The following CCS variants were observed in gnomAD, a reference collection of about 807,000 sequenced individuals.
CCS encodes the protein superoxide dismutase copper chaperone.
In CCS, 32 loss-of-function variants were observed where a neutral mutation model predicts 35.5. That is an observed-to-expected ratio of 0.90 (90% confidence interval 0.68 to 1.21). The LOEUF is 1.21. Among genes scored for constraint, CCS ranks in the 50% most tolerant of loss-of-function variants. CCS has a pLI of 0.00. For missense variants in CCS, 342 were observed against 375.4 expected (o/e 0.91, Z 0.73); for synonymous variants, 130 against 147.2 (o/e 0.88, Z 0.84).
chr11:66,595,437 T>A (rs897914369), intron 2 of CCS, among the ~76,000 whole-genome samples: 1 of 152,198 alleles, frequency 6.6e-6, no homozygotes, highest in African/African-American at 2.4e-5. Flanking sequence ...GCCCTCAGCA[T>A]GTTTCTTAGG....
intron 2 of CCS, among the ~76,000 whole-genome samples, chr11:66,594,743 C>T (rs1858444761): frequency 6.7e-6 from 1 of 150,368 alleles, no homozygotes. Flanking sequence ...CCACTGCACT[C>T]CAGGCTGGGT....
At chr11:66,599,012 GT>G (rs957417661) in intron 2 of CCS, 103 bp from the exon 3 acceptor site, 1 of 1,446,014 alleles carries the variant, frequency 6.9e-7, no homozygotes, top group Non-Finnish European at 9.6e-7. Flanking sequence ...ACCATGGGAA[GT>G]TTGGTGGAAA....
chr11:66,604,178 C>T (rs1018140931), intron 5 of CCS, among the ~76,000 whole-genome samples: 3 of 151,880 alleles, frequency 2.0e-5, no homozygotes, highest in Non-Finnish European at 2.9e-5. Context: ...TGCAGTGAGC[C>T]GAGATCACAC....
intron 5 of CCS, among the ~76,000 whole-genome samples, chr11:66,601,243 C>T (rs1040255601): frequency 6.6e-6 from 1 of 152,152 alleles, no homozygotes; most frequent in African/African-American, 2.4e-5. Context: ...CAGGTGCACA[C>T]CACCACACCC....
chr11:66,594,092 C>G (rs1858431570), intron 2 of CCS, among the ~76,000 whole-genome samples: 1 of 152,190 alleles, frequency 6.6e-6, no homozygotes, highest in Non-Finnish European at 1.5e-5. Flanking sequence ...GGTGTGGTGG[C>G]TCATGCCTGT....
At position 66,599,525 on chromosome 11, in the gene CCS, T is replaced by G; in HGVS notation, c.317T>G (p.Leu106Arg). ...ACCGTGCAGGGGGTGGTGCGCTTCC[T>G]ACAGCTGACCCCTGAGCGCTGCCTC... Reference protein sequence around the residue: ...PGTVQGVVRFLQLTPERCLIE... With the variant: ...PGTVQGVVRFRQLTPERCLIE... Residue 106 changes from leucine (L) to arginine (R), a missense_variant, in exon 4 of 8, where the codon CTA (leucine) becomes CGA (arginine). Physicochemically the swap from Leu to Arg is moderately radical, Grantham distance 102. Coordinates refer to ENST00000533244, the MANE Select transcript of CCS (RefSeq NM_005125.2). 6.3e-7 allele frequency: 1 copy of G among 1,592,976 alleles called. No homozygotes were observed. The highest frequency in any genetic ancestry group is 8.5e-7 in the Non-Finnish European group (1 of 1,171,532).
chr11:66,605,548 G>C lies in CCS; in HGVS notation c.627G>C (p.Arg209=), dbSNP rs1249423611. The change falls in exon 7 of 8, where the codon CGG becomes CGC. Residue 209 remains arginine (R), a synonymous_variant. Coordinates refer to ENST00000533244, the MANE Select transcript of CCS (RefSeq NM_005125.2). The part of the protein sequence containing the change: ...IIDEGEDDLG[R]GGHPLSKITG... ...ATGAGGGAGAAGATGACCTGGGCCG[G>C]GGAGGCCATCCCTTATCCAAGATCA... The C allele has an allele frequency of 1.9e-6, 3 of 1,614,042 alleles. No homozygotes were observed. The South Asian group carries it at 3.3e-5, about 18-fold the overall frequency.
chr11:66,602,891 G>A (rs992082516), intron 5 of CCS, among the ~76,000 whole-genome samples: 10 of 152,242 alleles, frequency 6.6e-5, no homozygotes, highest in African/African-American at 2.4e-4. Flanking sequence ...TTGGGTTTTA[G>A]CATCTGCTTT....
At position 66,593,651 on chromosome 11, in the gene CCS, G is replaced by A; in HGVS notation, c.49G>A (p.Ala17Thr). Residue 17 changes from alanine to threonine, a missense_variant, in exon 2 of 8, where the codon GCG becomes ACG. Coordinates refer to ENST00000533244, the MANE Select transcript of CCS (RefSeq NM_005125.2). ...CCTGCCGCCCTTGCAGTTGGAGTTCGCGGTGCAGATGACCTGTCAGAGCTG... is the reference window on the plus strand; with the variant it reads ...CCTGCCGCCCTTGCAGTTGGAGTTCACGGTGCAGATGACCTGTCAGAGCTG... ...NQGTLCTLEF[A>T]VQMTCQSCVD... 1.2e-6 allele frequency: 2 copies of A among 1,613,858 alleles called. No homozygotes were observed. Among genetic ancestry groups the A allele is most frequent in the Non-Finnish European group, 8.5e-7 (1 of 1,179,988 alleles).
At chr11:66,603,523 C>T (rs987402233) in intron 5 of CCS, among the ~76,000 whole-genome samples, 2 of 151,664 alleles carry the variant, frequency 1.3e-5, no homozygotes, top group African/African-American at 4.9e-5. Flanking sequence ...TCAGCTTGAC[C>T]AACATGGTGA....
At chr11:66,595,742 C>T (rs889279155) in intron 2 of CCS, among the ~76,000 whole-genome samples, 1 of 152,136 alleles carries the variant, frequency 6.6e-6, no homozygotes, top group Non-Finnish European at 1.5e-5. Context: ...CCAGGGTCTA[C>T]CAGTCTTAAC....
intron 5 of CCS, chr11:66,605,088 G>T (rs565276885): frequency 6.8e-7 from 1 of 1,463,398 alleles, no homozygotes; most frequent in African/African-American, 1.4e-5. Context: ...TCCTGCCCAG[G>T]ATTTCAGTTC....
intron 2 of CCS, among the ~76,000 whole-genome samples, chr11:66,594,844 TAGGGAGAAG>T (rs1227258022): frequency 2.6e-5 from 4 of 151,840 alleles, no homozygotes; most frequent in Non-Finnish European, 5.9e-5. Flanking sequence ...TGGGGCTTTT[TAGGGAGAAG>T]AGTTCACATG....
intron 2 of CCS, among the ~76,000 whole-genome samples, chr11:66,595,513 G>A (rs1385873650): frequency 6.6e-6 from 1 of 152,130 alleles, no homozygotes; most frequent in African/African-American, 2.4e-5. Flanking sequence ...ATGGGGCCAG[G>A]GAGGGAAGCT....
At chr11:66,595,497 T>G (rs753793500) in intron 2 of CCS, among the ~76,000 whole-genome samples, 4 of 152,132 alleles carry the variant, frequency 2.6e-5, no homozygotes, top group Non-Finnish European at 4.4e-5. Flanking sequence ...CCGGCTTGGC[T>G]TTCTCATGGG....
rs34289311 is a variant in CCS, at chr11:66,602,267, C to T, written c.489+1718C>T. 7.5e-3 allele frequency among the ~76,000 whole-genome samples: 1,143 copies of T among 152,294 alleles called. 10 individuals carry two copies. Among genetic ancestry groups the T allele is most frequent in the Middle Eastern group, 0.058 (17 of 294 alleles). On this transcript the variant is annotated intron_variant, in intron 5 of 7. Transcript: ENST00000533244. ...GGTGCCTGCAGCTCAGGGTCTCTCTCGGGGCTGCAGTCATCTCAGGGCCCC... is the reference window on the plus strand; with the variant it reads ...GGTGCCTGCAGCTCAGGGTCTCTCTTGGGGCTGCAGTCATCTCAGGGCCCC...
chr11:66,599,435 G>A (rs766476944), intron 3 of CCS, 24 bp from the exon 4 acceptor site: 3 of 1,516,912 alleles, frequency 2.0e-6, no homozygotes, highest in Non-Finnish European at 1.8e-6. Flanking sequence ...TGGCAAGCCA[G>A]CCCAAGTGTC....
intron 5 of CCS, among the ~76,000 whole-genome samples, chr11:66,604,410 A>G (rs999955620): frequency 2.6e-5 from 4 of 152,190 alleles, no homozygotes; most frequent in Admixed American, 2.0e-4. Context: ...CCTGCCCATC[A>G]GTTGGTGGCA....
At position 66,599,486 on chromosome 11, in the gene CCS, TGG is replaced by T; in HGVS notation, c.284_285del (p.Gly95AlafsTer16). On this transcript the variant is annotated frameshift_variant, in exon 4 of 8. Transcript: ENST00000533244. LOFTEE classifies it high-confidence loss of function. ...AATCTGGGGGCAGCAGTGGCCATCC[TGG>T]GGGGGCCTGGCACCGTGCAGGGGGT... The T allele has an allele frequency of 6.5e-7, 1 of 1,547,528 alleles. No individual in the cohort carries two copies. The highest frequency in any genetic ancestry group is 2.2e-5 in the Admixed American group (1 of 45,344).
Sources: allele counts gnomAD v4.1 joint callset (sites outside exome capture counted in the v4.1 genomes callset), GRCh38; gene constraint gnomAD v4.1.1; transcripts MANE v1.5; gene names NCBI Gene and HGNC (gene_info 2026-07-23, HGNC 2026-07-21).